Variants in ZNF473 observed in about 807,000 individuals in gnomAD.
The protein encoded by ZNF473 is zinc finger protein 473.
ZNF473 carries 4 observed loss-of-function variants against 11.1 expected under a neutral mutation model. The observed-to-expected ratio is 0.36, with a 90% CI of 0.18 to 0.82. The LOEUF is 0.82. ZNF473 is among the 40% of genes least tolerant of loss of function. The pLI, the probability that ZNF473 is intolerant of heterozygous loss-of-function variation, is 0.49. For synonymous variants in ZNF473, 404 were observed against 390.4 expected (o/e 1.03, Z -0.41); for missense variants, 854 against 1,084.0 (o/e 0.79, Z 2.98).
chr19:50,043,448 A>AATATATAT (rs68083079), intron 4 of ZNF473: 1 of 107,916 alleles, frequency 9.3e-6, no homozygotes. Flanking sequence ...AAAAAAAAAA[A>AATATATAT]ATATATATAT....
chr19:50,028,310 A>C (rs1371550305), intron 1 of ZNF473, among the ~76,000 whole-genome samples: 1 of 146,184 alleles, frequency 6.8e-6, no homozygotes, highest in Admixed American at 6.7e-5. Flanking sequence ...AAAAAAAAAA[A>C]AAAACAAATT....
chr19:50,035,716 A>G (rs1480307162), intron 2 of ZNF473, among the ~76,000 whole-genome samples: 1 of 152,144 alleles, frequency 6.6e-6, no homozygotes, highest in Non-Finnish European at 1.5e-5. Context: ...AGCCCTGTGT[A>G]GGCATCAGCT....
At chr19:50,042,838 A>G (rs923728441) in intron 4 of ZNF473, 2 of 152,238 alleles carry the variant, frequency 1.3e-5, no homozygotes, top group African/African-American at 4.8e-5. Context: ...AGGGAACAAC[A>G]TGAGCACAAG....
intron 1 of ZNF473, among the ~76,000 whole-genome samples, chr19:50,028,000 T>G (rs777589994): frequency 1.3e-5 from 2 of 151,746 alleles, no homozygotes; most frequent in East Asian, 4.0e-4. Flanking sequence ...CTTTTTAAAC[T>G]TAAATTTAAT....
At chr19:50,044,182 A>T (rs1017406430) in intron 4 of ZNF473, among the ~76,000 whole-genome samples, 3 of 152,078 alleles carry the variant, frequency 2.0e-5, no homozygotes, top group African/African-American at 7.2e-5. Flanking sequence ...TAAAGAGAGG[A>T]GAGGAAGGGA....
At position 50,035,969 on chromosome 19, in the gene ZNF473, CT is replaced by C. The variant is rs138667481; in HGVS notation, c.10-3182del. On this transcript the variant is annotated intron_variant, in intron 2 of 4. Transcript: ENST00000270617. The stretch of plus-strand genomic sequence containing the variant: ...TGGAATGTTTGTCCCCTTTGAAACT[CT>C]TTTTTTTTTGAGAGGGAGACTCTGT... 1.7e-4 allele frequency among the ~76,000 whole-genome samples: 26 copies of C among 148,988 alleles called. No homozygotes were observed. The East Asian group carries it at 1.8e-3, about 10-fold the overall frequency.
rs558473781 is a variant in ZNF473 at position 50,034,389 on chromosome 19, T to A, written c.9+3298T>A. ...GCAGCAAGAGGAGGATGCTGTTTAGTATATGCCTAATTTAAAAAAGTTTTT... is the reference window on the plus strand; with the variant it reads ...GCAGCAAGAGGAGGATGCTGTTTAGAATATGCCTAATTTAAAAAAGTTTTT... On this transcript the variant is annotated intron_variant, in intron 2 of 4. Transcript: ENST00000270617. Among the ~76,000 whole-genome samples the A allele has an allele frequency of 1.2e-4, 19 of 152,340 alleles. No homozygotes were observed. In the South Asian group the frequency reaches 3.7e-3, roughly 30 times the overall value.
At position 50,046,661 on chromosome 19, in the gene ZNF473, G is replaced by A. The variant is rs780103521; in HGVS notation, c.2218G>A (p.Gly740Ser). 7.4e-6 allele frequency: 12 copies of A among 1,614,026 alleles called. No homozygotes were observed. Among genetic ancestry groups the A allele is most frequent in the South Asian group, 2.2e-5 (2 of 91,074 alleles). Residue 740 changes from glycine to serine, a missense_variant, in exon 5 of 5, where the codon GGC (glycine) becomes AGC (serine). Physicochemically the swap from Gly to Ser is moderately conservative, Grantham distance 56. This residue lies in a region of ZNF473 where 186 missense variants were observed against 293.8 expected (regional missense o/e 0.63). Transcript: ENST00000270617. The surrounding 1 kb of genome is among the most constrained non-coding windows in gnomAD (Gnocchi z 5.9). ...ATGTGATTACTGCGGGAAGGCCTTC[G>A]GCCTGAGTGCTGAGCTTGTCCGCCA... Reference protein sequence around the residue: ...YVCDYCGKAFGLSAELVRHQR... With the variant: ...YVCDYCGKAFSLSAELVRHQR...
intron 4 of ZNF473, among the ~76,000 whole-genome samples, chr19:50,044,468 C>T (rs570268275): frequency 3.9e-5 from 6 of 152,264 alleles, no homozygotes; most frequent in Admixed American, 6.5e-5. Context: ...TCTCCCTCCT[C>T]GTTGAACCCT....
intron 2 of ZNF473, among the ~76,000 whole-genome samples, chr19:50,036,794 T>TAG (rs1380795050): frequency 3.9e-5 from 6 of 152,194 alleles, no homozygotes; most frequent in Non-Finnish European, 8.8e-5. Flanking sequence ...TAGGGCTCTG[T>TAG]AGAGTCTCCA....
chr19:50,031,069 AACCCCAGTT>A lies in ZNF473; in HGVS notation c.-13_-5del, dbSNP rs1477644513. The A allele has an allele frequency of 4.0e-5, 62 of 1,566,134 alleles. No homozygotes were observed. The highest frequency in any genetic ancestry group is 5.1e-5 in the Non-Finnish European group (59 of 1,154,932). On this transcript the variant is annotated 5_prime_UTR_variant, in exon 2 of 5. Transcript: ENST00000270617. ...AGGAGGAGCTTAAAAGAGGCTACTGAACCCCAGTTGGCCATGGCTGAGGTGAGTTGAAGG... is the reference window on the plus strand; with the variant it reads ...AGGAGGAGCTTAAAAGAGGCTACTGAGGCCATGGCTGAGGTGAGTTGAAGG...
At position 50,041,861 on chromosome 19, in the gene ZNF473, C is replaced by T. The variant is rs754259702; in HGVS notation, c.226+42C>T. On this transcript the variant is annotated intron_variant, in intron 4 of 4. Coordinates refer to ENST00000270617, the MANE Select transcript of ZNF473 (RefSeq NM_015428.4). ...GGGCCCCTTGTGTACCTTCTGTCTTCCAGACCTCCATCCTGAGGCTGCAGC... is the reference window on the plus strand; with the variant it reads ...GGGCCCCTTGTGTACCTTCTGTCTTTCAGACCTCCATCCTGAGGCTGCAGC... 6 of 1,516,070 alleles carry T rather than the reference C, an allele frequency of 4.0e-6. No homozygotes were observed. In the South Asian group the frequency reaches 7.1e-5, roughly 18 times the overall value. The allele number at this position is 1,516,070 out of a possible 1,614,324, so 93.9% of individuals were successfully genotyped here.
intron 1 of ZNF473, among the ~76,000 whole-genome samples, chr19:50,027,778 C>T (rs941113707): frequency 1.6e-4 from 24 of 151,762 alleles, no homozygotes; most frequent in African/African-American, 5.6e-4. Flanking sequence ...ACCTCCACCT[C>T]CCCGGTTGAA....
Position 50,046,326 on chromosome 19 carries a change from T to A in ZNF473, c.1883T>A (p.Ile628Asn), listed in dbSNP as rs1979119251. The A allele has an allele frequency of 6.2e-7, 1 of 1,614,028 alleles. No individual in the cohort carries two copies. The highest frequency in any genetic ancestry group is 8.5e-7 in the Non-Finnish European group (1 of 1,180,024). The change falls in exon 5 of 5, where the codon ATC (isoleucine) becomes AAC (asparagine). Residue 628 changes from isoleucine to asparagine, a missense_variant. Ile to Asn is a moderately radical substitution (Grantham distance 149). Transcript: ENST00000270617. This position sits in a 1 kb window ranked among gnomAD's most constrained non-coding sequence, Gnocchi z 5.9. The stretch of plus-strand genomic sequence containing the variant: ...AAATGGGGTGAGCAAGGGAAAGCCA[T>A]CAGCAGTGCCTCCCTTATCAAACTT... ...LYKWGEQGKA[I>N]SSASLIKLQS...
chr19:50,039,444 T>C lies in ZNF473; in HGVS notation c.136+157T>C, dbSNP rs1056025240. On this transcript the variant is annotated intron_variant, in intron 3 of 4. Transcript: ENST00000270617. This position sits in a 1 kb window ranked among gnomAD's most constrained non-coding sequence, Gnocchi z 4.8. ...CAGCTGGCCGAGGAGACATTGGCAA[T>C]GTGTGGAGACATTTTTGATTGTTAC... 6.6e-6 allele frequency among the ~76,000 whole-genome samples: 1 copy of C among 152,286 alleles called. No individual in the cohort carries two copies. Among genetic ancestry groups the C allele is most frequent in the Admixed American group, 6.5e-5 (1 of 15,306 alleles).
intron 4 of ZNF473, among the ~76,000 whole-genome samples, chr19:50,043,996 T>C (rs1436697773): frequency 6.6e-6 from 1 of 152,130 alleles, no homozygotes; most frequent in Admixed American, 6.6e-5. Flanking sequence ...ACTGGGCTAA[T>C]ACACTCATTT....
chr19:50,038,170 A>T (rs28481661), intron 2 of ZNF473, among the ~76,000 whole-genome samples: 7,652 of 147,090 alleles, frequency 0.052, 645 homozygotes, highest in African/African-American at 0.18. Flanking sequence ...TAAATTATAA[A>T]TTATAATTTT....
chr19:50,034,277 C>T (rs1428768292), intron 2 of ZNF473, among the ~76,000 whole-genome samples: 1 of 152,220 alleles, frequency 6.6e-6, no homozygotes, highest in Non-Finnish European at 1.5e-5. Flanking sequence ...CCATTGCTGC[C>T]ACCATTTCTC....
rs760188067 is a variant in ZNF473, at chr19:50,045,345, C to T, written c.902C>T (p.Pro301Leu). 1 of 1,614,108 alleles carries T rather than the reference C, an allele frequency of 6.2e-7. No individual in the cohort carries two copies. Among genetic ancestry groups the T allele is most frequent in the Non-Finnish European group, 8.5e-7 (1 of 1,180,022 alleles). The part of the protein sequence containing the change: ...PCKSQDSDHP[P>L]SHDTQPGEHQ... The stretch of plus-strand genomic sequence containing the variant: ...AAGAGTCAAGATAGTGACCACCCAC[C>T]CAGTCATGACACACAGCCTGGTGAG... The change falls in exon 5 of 5, where the codon CCC becomes CTC. Residue 301 changes from proline (P) to leucine (L), a missense_variant. This residue lies in a region of ZNF473 where 668 missense variants were observed against 790.2 expected (regional missense o/e 0.85). Transcript: ENST00000270617.
Sources: allele counts gnomAD v4.1 joint callset (sites outside exome capture counted in the v4.1 genomes callset), GRCh38; gene constraint gnomAD v4.1.1; regional missense constraint gnomAD v4.1.1; non-coding constraint Gnocchi (gnomAD v3.1); transcripts MANE v1.5; gene names NCBI Gene and HGNC (gene_info 2026-07-23, HGNC 2026-07-21).